Variants in ADGRL3 observed in about 807,000 individuals in gnomAD.
ADGRL3 encodes adhesion G protein-coupled receptor L3.
In ADGRL3, 62 loss-of-function variants were observed where a neutral mutation model predicts 153.5. The observed-to-expected ratio is 0.40, with a 90% CI of 0.33 to 0.50. The LOEUF is 0.50. ADGRL3 is among the 20% of genes least tolerant of loss of function. ADGRL3 has a pLI of 0.47. For synonymous variants in ADGRL3, 710 were observed against 672.5 expected, an observed-to-expected ratio of 1.06 and a Z score of -0.86; for missense variants, 1,641 against 1,859.4, an observed-to-expected ratio of 0.88 and a Z score of 2.16.
At chr4:61,875,962 G>A (rs1447159793) in intron 9 of ADGRL3, among the ~76,000 whole-genome samples, 2 of 151,912 alleles carry the variant, frequency 1.3e-5, no homozygotes, top group Admixed American at 6.6e-5. Flanking sequence ...AAGGTGGGAG[G>A]ATCTTTTGAG....
At chr4:61,664,818 C>T (rs890996331) in intron 5 of ADGRL3, among the ~76,000 whole-genome samples, 3 of 152,084 alleles carry the variant, frequency 2.0e-5, no homozygotes, top group African/African-American at 7.2e-5. Context: ...GACAGGGGAA[C>T]TTGAGAGAAT....
At chr4:61,248,896 C>T (rs535380667) in intron 1 of ADGRL3, among the ~76,000 whole-genome samples, 4 of 152,282 alleles carry the variant, frequency 2.6e-5, no homozygotes, top group African/African-American at 7.2e-5. Flanking sequence ...TTATCTGTCA[C>T]TACGTAAATA....
intron 5 of ADGRL3, among the ~76,000 whole-genome samples, chr4:61,672,658 C>G (rs1440224249): frequency 6.6e-6 from 1 of 151,786 alleles, no homozygotes; most frequent in East Asian, 1.9e-4. Flanking sequence ...GGGTTATGTT[C>G]AAAAAGACAA....
At chr4:61,986,435 A>G (rs112407408) in intron 19 of ADGRL3, among the ~76,000 whole-genome samples, 1 of 152,262 alleles carries the variant, frequency 6.6e-6, no homozygotes, top group South Asian at 2.1e-4. Flanking sequence ...GTAGAAATCT[A>G]TCTTTTCTTA....
At chr4:61,397,351 G>C (rs2096880368) in intron 2 of ADGRL3, among the ~76,000 whole-genome samples, 1 of 151,892 alleles carries the variant, frequency 6.6e-6, no homozygotes, top group South Asian at 2.1e-4. Context: ...TGTGACTGAA[G>C]CTGAGTCACG....
At chr4:61,244,690 A>G (rs1756343733) in intron 1 of ADGRL3, among the ~76,000 whole-genome samples, 1 of 152,000 alleles carries the variant, frequency 6.6e-6, no homozygotes, top group Non-Finnish European at 1.5e-5. Context: ...ATAAAAACAC[A>G]ATCTCTGACT....
intron 25 of ADGRL3, among the ~76,000 whole-genome samples, chr4:62,051,094 GGA>G (rs1733865534): frequency 6.9e-6 from 1 of 144,038 alleles, no homozygotes; most frequent in Non-Finnish European, 1.5e-5. Flanking sequence ...TATACACAAA[GGA>G]TATATATATA....
chr4:61,343,217 C>T (rs2095841065), intron 1 of ADGRL3, among the ~76,000 whole-genome samples: 1 of 152,176 alleles, frequency 6.6e-6, no homozygotes, highest in Non-Finnish European at 1.5e-5. Flanking sequence ...AATCCTAAAT[C>T]TCATTATCAC....
At chr4:61,252,930 T>G (rs2149462537) in intron 1 of ADGRL3, among the ~76,000 whole-genome samples, 1 of 152,314 alleles carries the variant, frequency 6.6e-6, no homozygotes, top group Admixed American at 6.5e-5. Context: ...TAAACTTGCC[T>G]TTTCTGGATG....
intron 5 of ADGRL3, among the ~76,000 whole-genome samples, chr4:61,670,982 A>C (rs1347432099): frequency 6.6e-6 from 1 of 152,148 alleles, no homozygotes; most frequent in Non-Finnish European, 1.5e-5. Context: ...TATAACAGGA[A>C]GTTCTTAACC....
chr4:61,354,572 G>GTC (rs1355114104), intron 1 of ADGRL3, among the ~76,000 whole-genome samples: 1 of 83,282 alleles, frequency 1.2e-5, no homozygotes, highest in Non-Finnish European at 2.8e-5. Context: ...ATAAGACTTT[G>GTC]TCTGTGTGTG....
intron 1 of ADGRL3, among the ~76,000 whole-genome samples, chr4:61,295,717 G>C (rs1408667970): frequency 6.6e-6 from 1 of 151,868 alleles, no homozygotes; most frequent in Non-Finnish European, 1.5e-5. Context: ...CCAGCATTTT[G>C]GGAGGCAGAG....
At chr4:61,907,462 T>C (rs2098701385) in intron 11 of ADGRL3, among the ~76,000 whole-genome samples, 1 of 151,968 alleles carries the variant, frequency 6.6e-6, no homozygotes, top group South Asian at 2.1e-4. Flanking sequence ...TTTCACCATG[T>C]TGGCCAAGCT....
At chr4:61,726,624 G>A (rs181808663) in intron 6 of ADGRL3, among the ~76,000 whole-genome samples, 28 of 152,060 alleles carry the variant, frequency 1.8e-4, no homozygotes, top group African/African-American at 6.5e-4. Flanking sequence ...TTCTTATTTT[G>A]CCTTTCTGCC....
intron 17 of ADGRL3, among the ~76,000 whole-genome samples, chr4:61,952,008 C>T (rs2098949007): frequency 6.6e-6 from 1 of 152,040 alleles, no homozygotes; most frequent in Non-Finnish European, 1.5e-5. Context: ...TACTAGGATA[C>T]AAAGATATAA....
At chr4:61,510,727 G>A (rs1413695533) in intron 3 of ADGRL3, among the ~76,000 whole-genome samples, 6 of 152,166 alleles carry the variant, frequency 3.9e-5, no homozygotes, top group Non-Finnish European at 8.8e-5. Flanking sequence ...GCTGAGGATT[G>A]CTTTGGCTAT....
At chr4:61,383,089 A>C (rs1408021302) in intron 1 of ADGRL3, 35 bp from the exon 2 acceptor site, 8 of 151,810 alleles carry the variant, frequency 5.3e-5, no homozygotes, top group African/African-American at 1.9e-4. Context: ...AATTTTTCTC[A>C]TAATCAAATT....
chr4:61,368,130 G>C (rs1489064719), intron 1 of ADGRL3, among the ~76,000 whole-genome samples: 1 of 151,496 alleles, frequency 6.6e-6, no homozygotes, highest in African/African-American at 2.4e-5. Context: ...GTAGATTCTG[G>C]ATATTACCCC....
intron 4 of ADGRL3, among the ~76,000 whole-genome samples, chr4:61,547,764 A>G (rs1481245784): frequency 6.6e-6 from 1 of 152,116 alleles, no homozygotes; most frequent in South Asian, 2.1e-4. Context: ...CTTTGGGTAT[A>G]TACCCTATAA....
Sources: gnomAD v4.1 joint callset for allele counts (sites outside exome capture counted in the v4.1 genomes callset) on GRCh38, gnomAD v4.1.1 for gene constraint, MANE v1.5 for transcripts, NCBI Gene and HGNC (gene_info 2026-07-23, HGNC 2026-07-21) for gene names.